CATSPER3: variants seen among roughly 807,000 people sequenced by gnomAD.
The protein encoded by CATSPER3 is cation channel sperm-associated protein 3.
In CATSPER3, 23 loss-of-function variants were observed where a neutral mutation model predicts 36.6. The observed-to-expected ratio is 0.63, with a 90% CI of 0.45 to 0.89. The LOEUF (loss-of-function observed/expected upper bound fraction) is 0.89, where lower values mean the gene tolerates loss of function less well. CATSPER3 is among the 40% of genes least tolerant of loss of function. The pLI is 0.00. For synonymous variants in CATSPER3, 172 were observed against 184.1 expected (o/e 0.93, Z 0.53); for missense variants, 474 against 503.9 (o/e 0.94, Z 0.57).
chr5:134,970,111 TC>T lies in CATSPER3; in HGVS notation c.252+21del. Reference sequence around the variant, plus strand: ...TCTTGAGGTAAGCAGACAAAATGGGTCCATTTTCTTCTTTTTTTAAAACATG... The same window carrying T: ...TCTTGAGGTAAGCAGACAAAATGGGTCATTTTCTTCTTTTTTTAAAACATG... On this transcript the variant is annotated intron_variant, in intron 2 of 7. Coordinates refer to ENST00000282611, the MANE Select transcript of CATSPER3 (RefSeq NM_178019.3). 6.2e-7 allele frequency: 1 copy of T among 1,609,030 alleles called. No homozygotes were observed. Among genetic ancestry groups the T allele is most frequent in the Non-Finnish European group, 8.5e-7 (1 of 1,175,714 alleles).
intron 2 of CATSPER3, among the ~76,000 whole-genome samples, chr5:134,989,012 T>A (rs942022229): frequency 6.6e-6 from 1 of 152,192 alleles, no homozygotes; most frequent in Non-Finnish European, 1.5e-5. Flanking sequence ...AAACAACTTC[T>A]TCATCTTTTT....
chr5:134,988,891 C>A (rs77399497), intron 2 of CATSPER3, among the ~76,000 whole-genome samples: 1 of 151,984 alleles, frequency 6.6e-6, no homozygotes, highest in Admixed American at 6.6e-5. Flanking sequence ...CAGACCCATC[C>A]GAAGAATCAC....
chr5:135,009,125 C>A, intron 5 of CATSPER3, 144 bp downstream of exon 5: 1 of 1,164,404 alleles, frequency 8.6e-7, no homozygotes, highest in Non-Finnish European at 1.3e-6. Context: ...ACCTGTCCCT[C>A]ACCCGGCCCA....
chr5:134,976,571 A>G (rs558324261), intron 2 of CATSPER3, among the ~76,000 whole-genome samples: 1 of 152,292 alleles, frequency 6.6e-6, no homozygotes, highest in African/African-American at 2.4e-5. Flanking sequence ...TCATGGCTCT[A>G]TCATTCTTGG....
At chr5:134,978,474 C>T (rs1580903867) in intron 2 of CATSPER3, among the ~76,000 whole-genome samples, 1 of 151,918 alleles carries the variant, frequency 6.6e-6, no homozygotes, top group African/African-American at 2.4e-5. Context: ...AAAAACAAAA[C>T]ACAATCTATA....
chr5:134,990,447 GTGA>G (rs1269786724), intron 2 of CATSPER3, among the ~76,000 whole-genome samples: 5 of 152,194 alleles, frequency 3.3e-5, no homozygotes, highest in Non-Finnish European at 7.3e-5. Flanking sequence ...ATTTATCTCA[GTGA>G]GCAGAGGGGT....
intron 2 of CATSPER3, among the ~76,000 whole-genome samples, chr5:134,973,110 G>C (rs1055326523): frequency 2.6e-5 from 4 of 152,108 alleles, no homozygotes; most frequent in Non-Finnish European, 5.9e-5. Flanking sequence ...TTGTTTCCAA[G>C]AGCCCTTCCT....
intron 2 of CATSPER3, among the ~76,000 whole-genome samples, chr5:134,970,835 G>A (rs1021115055): frequency 2.0e-5 from 3 of 152,268 alleles, no homozygotes; most frequent in Middle Eastern, 3.4e-3. Context: ...GGCTCCCAAA[G>A]TGCTGGCATT....
intron 2 of CATSPER3, among the ~76,000 whole-genome samples, chr5:134,985,315 G>A (rs1367280200): frequency 1.3e-5 from 2 of 152,202 alleles, no homozygotes; most frequent in African/African-American, 4.8e-5. Flanking sequence ...TCTAAGTGCA[G>A]TAACTCAGGA....
At chr5:134,970,518 C>T (rs1413506995) in intron 2 of CATSPER3, among the ~76,000 whole-genome samples, 1 of 150,852 alleles carries the variant, frequency 6.6e-6, no homozygotes, top group Non-Finnish European at 1.5e-5. Context: ...TCTAAAAATA[C>T]TCTAAAATCT....
intron 2 of CATSPER3, among the ~76,000 whole-genome samples, chr5:134,973,051 G>A (rs1393993665): frequency 6.6e-6 from 1 of 152,136 alleles, no homozygotes; most frequent in Non-Finnish European, 1.5e-5. Context: ...TGACTTTCAA[G>A]TATAAAGGAC....
chr5:134,992,592 G>A (rs1751892126), intron 2 of CATSPER3, among the ~76,000 whole-genome samples: 1 of 152,110 alleles, frequency 6.6e-6, no homozygotes, highest in Non-Finnish European at 1.5e-5. Flanking sequence ...AGGTGTGTTG[G>A]TGGGCACCAG....
chr5:134,982,921 A>C (rs1289885551), intron 2 of CATSPER3, among the ~76,000 whole-genome samples: 1 of 152,196 alleles, frequency 6.6e-6, no homozygotes, highest in Non-Finnish European at 1.5e-5. Flanking sequence ...GAAGGGAGAG[A>C]GATGAAGCTG....
At chr5:134,981,250 G>C (rs1469191226) in intron 2 of CATSPER3, among the ~76,000 whole-genome samples, 2 of 151,984 alleles carry the variant, frequency 1.3e-5, no homozygotes, top group African/African-American at 4.8e-5. Context: ...CAGCACTTTG[G>C]GAGGCCCAGG....
intron 2 of CATSPER3, among the ~76,000 whole-genome samples, chr5:134,991,924 T>G (rs932703072): frequency 3.3e-5 from 5 of 152,004 alleles, no homozygotes; most frequent in African/African-American, 1.2e-4. Flanking sequence ...TGAGCCCAGT[T>G]TGAGTTTGGA....
intron 2 of CATSPER3, among the ~76,000 whole-genome samples, chr5:134,974,131 C>G (rs1751639018): frequency 6.6e-6 from 1 of 152,132 alleles, no homozygotes; most frequent in Non-Finnish European, 1.5e-5. Context: ...TATAAAAGAA[C>G]AGCACCTCTA....
At chr5:134,993,559 T>C (rs1751908114) in intron 2 of CATSPER3, among the ~76,000 whole-genome samples, 2 of 152,182 alleles carry the variant, frequency 1.3e-5, no homozygotes, top group South Asian at 4.1e-4. Flanking sequence ...TCAAGATAAA[T>C]AGAAGCCCTA....
At chr5:134,983,408 G>A (rs564958515) in intron 2 of CATSPER3, among the ~76,000 whole-genome samples, 4 of 152,130 alleles carry the variant, frequency 2.6e-5, no homozygotes, top group East Asian at 1.9e-4. Context: ...GGTGGTGCAC[G>A]CCTGTAGTCC....
At position 134,997,552 on chromosome 5, in the gene CATSPER3, C is replaced by T. The variant is rs182217996; in HGVS notation, c.492+1040C>T. 1.3e-3 allele frequency among the ~76,000 whole-genome samples: 199 copies of T among 152,334 alleles called. 1 individual carries two copies. Among genetic ancestry groups the T allele is most frequent in the African/African-American group, 4.5e-3 (188 of 41,582 alleles). ...TATCTAGCCTCTCTGAAGTTGCCAGCAGCCTCCTTGTCTCCAAATCCAGTG... is the reference window on the plus strand; with the variant it reads ...TATCTAGCCTCTCTGAAGTTGCCAGTAGCCTCCTTGTCTCCAAATCCAGTG... On this transcript the variant is annotated intron_variant, in intron 3 of 7. Transcript: ENST00000282611.
Sources: gnomAD v4.1 joint callset for allele counts (sites outside exome capture counted in the v4.1 genomes callset) on GRCh38, gnomAD v4.1.1 for gene constraint, MANE v1.5 for transcripts, NCBI Gene and HGNC (gene_info 2026-07-23, HGNC 2026-07-21) for gene names.